GLDC: variants seen among roughly 807,000 people sequenced by gnomAD.
The protein encoded by GLDC is glycine decarboxylase.
Under a neutral mutation model 121.3 loss-of-function variants are expected in GLDC, and 104 were observed. The observed-to-expected ratio is 0.86, with a 90% CI of 0.73 to 1.01. The LOEUF is 1.01. GLDC is among the 50% of genes least tolerant of loss of function. The pLI is 0.00. For missense variants in GLDC, 1,429 were observed against 1,306.6 expected, an observed-to-expected ratio of 1.09 and a Z score of -1.44; for synonymous variants, 546 against 480.6, an observed-to-expected ratio of 1.14 and a Z score of -1.78.
At chr9:6,642,722 CTTTAT>C (rs1715390095) in intron 2 of GLDC, among the ~76,000 whole-genome samples, 2 of 152,014 alleles carry the variant, frequency 1.3e-5, no homozygotes, top group Admixed American at 1.3e-4. Context: ...GAAAAGAACA[CTTTAT>C]TTTAGAGTAT....
Position 6,533,392 on chromosome 9 carries a change from C to G in GLDC, c.2920-232G>C, listed in dbSNP as rs116624341. Among the ~76,000 whole-genome samples, 1,533 of 152,198 alleles carry G rather than the reference C, an allele frequency of 0.01. 28 individuals carry two copies. The highest frequency in any genetic ancestry group is 0.031 in the African/African-American group (1,302 of 41,518). On this transcript the variant is annotated intron_variant, in intron 24 of 24. Transcript: ENST00000321612. The stretch of plus-strand genomic sequence containing the variant: ...TCCCTATGTGCTGTTGATATCTGGA[C>G]CAGTTTATAGCAAAGTTGTGTTTGA...
intron 7 of GLDC, among the ~76,000 whole-genome samples, chr9:6,604,254 G>A (rs1818684776): frequency 6.6e-6 from 1 of 152,104 alleles, no homozygotes; most frequent in Admixed American, 6.6e-5. Flanking sequence ...GAGCCACGTG[G>A]CATAATGCTT....
chr9:6,588,350 C>G (rs368758626), intron 14 of GLDC, 51 bp downstream of exon 14: 3 of 1,300,838 alleles, frequency 2.3e-6, no homozygotes, highest in East Asian at 2.3e-5. Context: ...TAGGTGGAAG[C>G]TAGAACACTG....
chr9:6,598,195 T>C (rs1440966738), intron 8 of GLDC, among the ~76,000 whole-genome samples: 1 of 151,324 alleles, frequency 6.6e-6, no homozygotes, highest in Non-Finnish European at 1.5e-5. Context: ...ACCTGGCTAA[T>C]TTTTGTACTT....
intron 3 of GLDC, among the ~76,000 whole-genome samples, chr9:6,616,310 C>T (rs1818966194): frequency 6.6e-6 from 1 of 152,176 alleles, no homozygotes; most frequent in South Asian, 2.1e-4. Flanking sequence ...ATATTTCTCT[C>T]TCAATCCTTT....
intron 2 of GLDC, among the ~76,000 whole-genome samples, chr9:6,622,502 C>T (rs1361608577): frequency 6.6e-6 from 1 of 152,120 alleles, no homozygotes; most frequent in East Asian, 1.9e-4. Flanking sequence ...CCTCGGCCTC[C>T]CGAGGTGCCG....
chr9:6,606,100 G>C (rs550345593), intron 5 of GLDC: 3 of 169,628 alleles, frequency 1.8e-5, no homozygotes, highest in African/African-American at 7.2e-5. Flanking sequence ...GAGGTCAGGA[G>C]ATCAAGACCA....
chr9:6,563,041 G>A (rs190752096), intron 16 of GLDC, among the ~76,000 whole-genome samples: 52 of 152,294 alleles, frequency 3.4e-4, no homozygotes, highest in Admixed American at 1.7e-3. Context: ...CTTCAGTGAT[G>A]GCAGGATGGG....
At chr9:6,638,722 A>G (rs1587985399) in intron 2 of GLDC, among the ~76,000 whole-genome samples, 1 of 152,148 alleles carries the variant, frequency 6.6e-6, no homozygotes, top group East Asian at 1.9e-4. Flanking sequence ...ATTCAAATGT[A>G]TATCCTCACT....
intron 3 of GLDC, among the ~76,000 whole-genome samples, chr9:6,611,492 G>C (rs371182799): frequency 1.1e-4 from 17 of 151,544 alleles, no homozygotes; most frequent in Non-Finnish European, 1.9e-4. Context: ...CGGGGCGGAG[G>C]TTGCAGTGAG....
intron 2 of GLDC, among the ~76,000 whole-genome samples, chr9:6,629,958 T>TATGTGTGTA: frequency 1.3e-5 from 1 of 78,678 alleles, no homozygotes; most frequent in African/African-American, 6.1e-5. Flanking sequence ...TATATATATA[T>TATGTGTGTA]TTTTTTTTTT....
chr9:6,546,280 C>A (rs1461397608), intron 21 of GLDC, among the ~76,000 whole-genome samples: 3 of 151,972 alleles, frequency 2.0e-5, no homozygotes, highest in Non-Finnish European at 2.9e-5. Context: ...GCAGCCTCAA[C>A]TTCCCAGGCT....
At chr9:6,565,163 C>T (rs1362128687) in intron 16 of GLDC, among the ~76,000 whole-genome samples, 191 bp downstream of exon 16, 1 of 152,230 alleles carries the variant, frequency 6.6e-6, no homozygotes, top group Non-Finnish European at 1.5e-5. Context: ...AATGTTTTTC[C>T]TCAAAATGGT....
At chr9:6,644,798 T>A (rs1289303489) in intron 1 of GLDC, 106 bp from the exon 2 acceptor site, 1 of 770,356 alleles carries the variant, frequency 1.3e-6, no homozygotes, top group East Asian at 2.5e-5. Flanking sequence ...AATCGCCTAA[T>A]TAGGGTTCTT....
At chr9:6,609,684 C>T (rs1027498720) in intron 4 of GLDC, among the ~76,000 whole-genome samples, 2 of 152,032 alleles carry the variant, frequency 1.3e-5, no homozygotes, top group Admixed American at 6.6e-5. Context: ...TCCCCTGCTC[C>T]CGCCCTCTGC....
At position 6,592,207 on chromosome 9, in the gene GLDC, T is replaced by C; in HGVS notation, c.1418A>G (p.Asp473Gly). The stretch of plus-strand genomic sequence containing the variant: ...CAGATCTTTTTCATTGACTGTTTCA[T>C]CAAGAGAAATACCAAGCTACAGAAA... ...FEDGTLGISL[D>G]ETVNEKDLDD... Residue 473 changes from aspartate to glycine, a missense_variant, in exon 11 of 25, where the codon GAT (aspartate) becomes GGT (glycine). Physicochemically the swap from Asp to Gly is moderately conservative, Grantham distance 94. Coordinates refer to ENST00000321612, the MANE Select transcript of GLDC (RefSeq NM_000170.3). 6.2e-7 allele frequency: 1 copy of C among 1,601,574 alleles called. No individual in the cohort carries two copies. Among genetic ancestry groups the C allele is most frequent in the Non-Finnish European group, 8.6e-7 (1 of 1,168,966 alleles).
chr9:6,611,208 TATCTCCTTC>T (rs986078089), intron 3 of GLDC, among the ~76,000 whole-genome samples: 6 of 152,236 alleles, frequency 3.9e-5, no homozygotes, highest in African/African-American at 1.4e-4. Context: ...ATTCTAACTT[TATCTCCTTC>T]AATTATTAGC....
At chr9:6,603,155 G>T (rs1818652688) in intron 7 of GLDC, among the ~76,000 whole-genome samples, 1 of 151,902 alleles carries the variant, frequency 6.6e-6, no homozygotes, top group Non-Finnish European at 1.5e-5. Context: ...TTGAACCTGG[G>T]AGGCAGAGGT....
In GLDC at chr9:6,533,151, T is replaced by TG; in HGVS notation, c.2928_2929insC (p.Lys977GlnfsTer14). 1 of 1,613,846 alleles carries TG rather than the reference T, an allele frequency of 6.2e-7. No individual in the cohort carries two copies. Among genetic ancestry groups the TG allele is most frequent in the South Asian group, 1.1e-5 (1 of 91,070 alleles). On this transcript the variant is annotated frameshift_variant, in exon 25 of 25. Coordinates refer to ENST00000321612, the MANE Select transcript of GLDC (RefSeq NM_000170.3). LOFTEE classifies it high-confidence loss of function. ...GTTGGCCAGAATTTGTTCTCTGGTT[T>TG]CACGAAGGGCTGCAAAGGACAAAAG... is the stretch of plus-strand genomic sequence containing the variant.
Sources: allele counts gnomAD v4.1 joint callset (sites outside exome capture counted in the v4.1 genomes callset), GRCh38; gene constraint gnomAD v4.1.1; transcripts MANE v1.5; gene names NCBI Gene and HGNC (gene_info 2026-07-23, HGNC 2026-07-21).